Variants in TTN observed in about 807,000 individuals in gnomAD.
TTN encodes the protein connectin.
Under a neutral mutation model 3,223.0 loss-of-function variants are expected in TTN, and 1,525 were observed. The ratio of observed to expected loss-of-function variants is 0.47; its 90% CI spans 0.45 to 0.49. TTN has a LOEUF of 0.49. Ranked by LOEUF, TTN falls within the 20% of genes least tolerant of loss-of-function variation. The pLI, the probability that TTN is intolerant of heterozygous loss-of-function variation, is 0.00. For synonymous variants in TTN, 14,094 were observed against 15,161.0 expected (o/e 0.93, Z 5.17); for missense variants, 40,786 against 43,424.0 (o/e 0.94, Z 5.40).
At chr2:178,595,135 G>A (rs1350538516) in intron 295 of TTN, among the ~76,000 whole-genome samples, 1 of 152,112 alleles carries the variant, frequency 6.6e-6, no homozygotes, top group African/African-American at 2.4e-5. Flanking sequence ...GCTGGGCATG[G>A]TGGTGCATGT....
Position 178,533,805 on chromosome 2 carries a change from A to G in TTN, c.102810T>C (p.Tyr34270=), listed in dbSNP as rs539544170. 6.2e-6 allele frequency: 10 copies of G among 1,613,972 alleles called. No individual in the cohort carries two copies. In the Admixed American group the frequency reaches 6.7e-5, roughly 11 times the overall value. The part of the protein sequence containing the change: ...FTLPLYNKTA[Y]VGENVRFGVT... ...CTCCAAACCGGACATTTTCACCTAC[A>G]TAAGCTGTCTTATTATAGAGAGGCA... The change falls in exon 358 of 363, where the codon TAT becomes TAC. Residue 34270 remains tyrosine, a synonymous_variant. Transcript: ENST00000589042.
rs1483121579 is a variant in TTN, at chr2:178,591,711, C to T, written c.60108G>A (p.Val20036=). 1 of 1,613,290 alleles carries T rather than the reference C, an allele frequency of 6.2e-7. No individual in the cohort carries two copies. Residue 20036 remains valine (V), a synonymous_variant, in exon 303 of 363, where the codon GTG becomes GTA. Transcript: ENST00000589042. ...KFKTVTNLEC[V]VTGLQQGKTY... ...TCTTTCCTTGTTGTAGTCCAGTAAC[C>T]ACACACTCTAAGTTTGTCACAGTCT...
chr2:178,699,545 G>A (rs1398704046), intron 111 of TTN, among the ~76,000 whole-genome samples: 1 of 143,030 alleles, frequency 7.0e-6, no homozygotes, highest in Non-Finnish European at 1.5e-5. Context: ...CCGAGTAGCT[G>A]GGACTACAGG....
intron 29 of TTN, 29 bp from the exon 30 acceptor site, chr2:178,774,502 A>T (rs1010437303): frequency 6.2e-7 from 1 of 1,605,136 alleles, no homozygotes; most frequent in Non-Finnish European, 8.5e-7. Context: ...AGATAAATCA[A>T]TTTTTTTGGA....
rs772248060 is a variant in TTN at position 178,802,225 on chromosome 2, C to T, written c.208G>A (p.Val70Met). The T allele has an allele frequency of 2.4e-5, 39 of 1,614,032 alleles. No individual in the cohort carries two copies. The highest frequency in any genetic ancestry group is 1.1e-4 in the South Asian group (10 of 91,084). Residue 70 changes from valine to methionine, a missense_variant, in exon 3 of 363, where the codon GTG becomes ATG. By Grantham distance (21) the Val-to-Met change is conservative. Transcript: ENST00000589042. ...DGRAKLTIPA[V>M]TKANSGRYSL... ...TATCGTCCACTGTTGGCTTTAGTCA[C>T]GGCGGGGATCGTCAGTTTAGCGCGG... is the stretch of plus-strand genomic sequence containing the variant.
In TTN at chr2:178,714,430, T is replaced by A. The variant is rs1017848590; in HGVS notation, c.26344A>T (p.Asn8782Tyr). Residue 8782 changes from asparagine (N) to tyrosine (Y), a missense_variant, in exon 91 of 363, where the codon AAC becomes TAC. Coordinates refer to ENST00000589042, the MANE Select transcript of TTN (RefSeq NM_001267550.2). The stretch of plus-strand genomic sequence containing the variant: ...TTTTCTGAATAAGAAATCCATATGT[T>A]GTCACTTTCTCTAACGATTTCTCCC... Reference protein sequence around the residue: ...DKGEIVRESDNIWISYSENIA... With the variant: ...DKGEIVRESDYIWISYSENIA... The A allele has an allele frequency of 9.3e-6, 15 of 1,613,654 alleles. No individual in the cohort carries two copies. The highest frequency in any genetic ancestry group is 1.2e-5 in the Non-Finnish European group (14 of 1,179,744).
chr2:178,710,685 G>C lies in TTN; in HGVS notation c.28412C>G (p.Ala9471Gly). 6.2e-7 allele frequency: 1 copy of C among 1,613,256 alleles called. No individual in the cohort carries two copies. The highest frequency in any genetic ancestry group is 8.5e-7 in the Non-Finnish European group (1 of 1,179,806). Residue 9471 changes from alanine (A) to glycine (G), a missense_variant, in exon 98 of 363, where the codon GCT (alanine) becomes GGT (glycine). Ala to Gly is a moderately conservative substitution (Grantham distance 60). Transcript: ENST00000589042. ...AGAGTCTTTTCCCACTTCATTCACA[G>C]CATAGCAGGTATATTGTCCAGAATC... ...KGDSGQYTCY[A>G]VNEVGKDSCT...
At position 178,644,629 on chromosome 2, in the gene TTN, T is replaced by C; in HGVS notation, c.40409-13A>G. ...TTCTTTGGAATAGCTTTAAAGAATA[T>C]GATTTTACTTTTGTTATTTGTATAT... On this transcript the variant is annotated splice_polypyrimidine_tract_variant and intron_variant, in intron 217 of 362. Coordinates refer to ENST00000589042, the MANE Select transcript of TTN (RefSeq NM_001267550.2). 1 of 1,528,280 alleles carries C rather than the reference T, an allele frequency of 6.5e-7. No homozygotes were observed. Among genetic ancestry groups the C allele is most frequent in the Non-Finnish European group, 8.8e-7 (1 of 1,139,872 alleles). The allele number at this position is 1,528,280 out of a possible 1,614,324, so 94.7% of individuals were successfully genotyped here.
Position 178,573,201 on chromosome 2 carries a change from T to G in TTN, c.72931A>C (p.Thr24311Pro). The G allele has an allele frequency of 6.2e-7, 1 of 1,608,612 alleles. No individual in the cohort carries two copies. The highest frequency in any genetic ancestry group is 1.7e-4 in the Middle Eastern group (1 of 6,028). Residue 24311 changes from threonine (T) to proline (P), a missense_variant, in exon 326 of 363, where the codon ACC (threonine) becomes CCC (proline). Coordinates refer to ENST00000589042, the MANE Select transcript of TTN (RefSeq NM_001267550.2). ...NAAGISAPSP[T>P]SPFYKACDTV... is the part of the protein sequence containing the mutation. The stretch of plus-strand genomic sequence containing the variant: ...TCACAAGCCTTGTAAAATGGACTGG[T>G]AGGACTTGGTGCACTAATTCCAGCA...
chr2:178,668,563 T>C (rs2066376001), intron 159 of TTN, among the ~76,000 whole-genome samples: 1 of 151,882 alleles, frequency 6.6e-6, no homozygotes, highest in Non-Finnish European at 1.5e-5. Flanking sequence ...AAACCCTGTC[T>C]CTACTAAAAA....
rs1291637912 is a variant in TTN at position 178,740,101 on chromosome 2, G to C, written c.13132C>G (p.Leu4378Val). The change falls in exon 48 of 363, where the codon CTT (leucine) becomes GTT (valine). Residue 4378 changes from leucine to valine, a missense_variant. By Grantham distance (32) the Leu-to-Val change is conservative (BLOSUM62 1). Coordinates refer to ENST00000589042, the MANE Select transcript of TTN (RefSeq NM_001267550.2). ...KVQEVQGRDLLSKESLLSGIP... is the reference protein window; with the variant it reads ...KVQEVQGRDLVSKESLLSGIP... ...CCAGAAAGCAAGCTTTCCTTAGAAA[G>C]AAGGTCCCTTCCCTGTACCTCCTGC... is the stretch of plus-strand genomic sequence containing the variant. 3 of 1,613,668 alleles carry C rather than the reference G, an allele frequency of 1.9e-6. No individual in the cohort carries two copies. The highest frequency in any genetic ancestry group is 1.6e-4 in the Middle Eastern group (1 of 6,078).
At position 178,571,856 on chromosome 2, in the gene TTN, G is replaced by A. The variant is rs1421105301; in HGVS notation, c.74276C>T (p.Thr24759Ile). The A allele has an allele frequency of 6.2e-7, 1 of 1,613,526 alleles. No individual in the cohort carries two copies. The highest frequency in any genetic ancestry group is 8.5e-7 in the Non-Finnish European group (1 of 1,179,614). ...WHKDNVPLKQ[T>I]TRVNAESTEN... ...TGTGCTCTCTGCATTTACTCTAGTT[G>A]TCTGCTTCAGTGGTACATTATCTTT... The change falls in exon 326 of 363, where the codon ACA becomes ATA. Residue 24759 changes from threonine to isoleucine, a missense_variant. Physicochemically the swap from Thr to Ile is moderately conservative, Grantham distance 89. Coordinates refer to ENST00000589042, the MANE Select transcript of TTN (RefSeq NM_001267550.2).
Position 178,649,196 on chromosome 2 carries a change from A to T in TTN, c.40057+52T>A, listed in dbSNP as rs7606485. 50,254 of 1,312,232 alleles carry T rather than the reference A, an allele frequency of 0.038. 2,159 individuals carry two copies. The highest frequency in any genetic ancestry group is 0.16 in the Admixed American group (5,206 of 32,618). 81.3% of individuals were successfully genotyped at this position (1,312,232 alleles called of 1,614,324 possible). On this transcript the variant is annotated intron_variant, in intron 213 of 362. Coordinates refer to ENST00000589042, the MANE Select transcript of TTN (RefSeq NM_001267550.2). ...ATGTTTTTCTCTAAGACCTATTATT[A>T]ACATGCTTAAATAGCAGTTAGAGAA...
chr2:178,575,827 C>T lies in TTN; in HGVS notation c.70305G>A (p.Thr23435=), dbSNP rs397517684. The stretch of plus-strand genomic sequence containing the variant: ...GCCGCAGGTTGAGGACTGGGCCTGG[C>T]GTGTCCAAGACTCTGACGTTCACAA... The part of the protein sequence containing the change: ...SGFVNVRVLD[T]PGPVLNLRPT... Residue 23435 remains threonine, a synonymous_variant, in exon 326 of 363, where the codon ACG becomes ACA. Transcript: ENST00000589042. This position sits in a 1 kb window ranked among gnomAD's most constrained non-coding sequence, Gnocchi z 4.0. 53 of 1,613,242 alleles carry T rather than the reference C, an allele frequency of 3.3e-5. No homozygotes were observed. The highest frequency in any genetic ancestry group is 1.8e-4 in the Admixed American group (11 of 59,962).
chr2:178,562,386 C>T lies in TTN; in HGVS notation c.83746G>A (p.Val27916Ile). 3 of 1,611,556 alleles carry T rather than the reference C, an allele frequency of 1.9e-6. No individual in the cohort carries two copies. Among genetic ancestry groups the T allele is most frequent in the Non-Finnish European group, 2.5e-6 (3 of 1,179,028 alleles). The part of the protein sequence containing the change: ...GSEKWSTCTQ[V>I]KTLEATISGL... ...GATATAGTTGCTTCTAGAGTCTTAA[C>T]TTGTGTGCAGGTGCTCCACTTTTCA... Residue 27916 changes from valine (V) to isoleucine (I), a missense_variant, in exon 326 of 363, where the codon GTT (valine) becomes ATT (isoleucine). Val to Ile is a conservative substitution (Grantham distance 29). Coordinates refer to ENST00000589042, the MANE Select transcript of TTN (RefSeq NM_001267550.2).
Position 178,553,146 on chromosome 2 carries a change from A to T in TTN, c.89754T>A (p.Val29918=). ...GKYILTIENG[V]GEPKSSTVSV... is the part of the protein sequence containing the mutation. ...TCACAGTTGAAGACTTAGGTTCACC[A>T]ACTCCATTTTCTATTGTGAGAATAT... Residue 29918 remains valine, a synonymous_variant, in exon 335 of 363, where the codon GTT becomes GTA. Coordinates refer to ENST00000589042, the MANE Select transcript of TTN (RefSeq NM_001267550.2). 6.2e-7 allele frequency: 1 copy of T among 1,613,032 alleles called. No individual in the cohort carries two copies. The highest frequency in any genetic ancestry group is 8.5e-7 in the Non-Finnish European group (1 of 1,179,120).
chr2:178,805,379 C>G (rs1358988461), intron 1 of TTN, among the ~76,000 whole-genome samples: 1 of 149,682 alleles, frequency 6.7e-6, no homozygotes, highest in Non-Finnish European at 1.5e-5. Flanking sequence ...AATAAATAAA[C>G]CTCTGCATCA....
At chr2:178,598,358 A>T in intron 292 of TTN, 148 bp downstream of exon 292, 1 of 1,024,420 alleles carries the variant, frequency 9.8e-7, no homozygotes, top group Non-Finnish European at 1.4e-6. Flanking sequence ...TTCTGACATT[A>T]ACAGATGTTT....
chr2:178,538,558 T>G lies in TTN; in HGVS notation c.99271A>C (p.Ile33091Leu), dbSNP rs879450752. 8 of 1,612,238 alleles carry G rather than the reference T, an allele frequency of 5.0e-6. No individual in the cohort carries two copies. Among genetic ancestry groups the G allele is most frequent in the Non-Finnish European group, 6.8e-6 (8 of 1,179,060 alleles). The stretch of plus-strand genomic sequence containing the variant: ...TACTTACATGTGAGTTTAGTCTTTA[T>G]AGACATAGCAGTTCTGCGAGGTCTG... The part of the protein sequence containing the change: ...LSRPRRTAMS[I>L]KTKLTSGEAP... Residue 33091 changes from isoleucine (I) to leucine (L), a missense_variant, in exon 354 of 363, where the codon ATA becomes CTA. Transcript: ENST00000589042.
Sources: gnomAD v4.1 joint callset for allele counts (sites outside exome capture counted in the v4.1 genomes callset) on GRCh38, gnomAD v4.1.1 for gene constraint, Gnocchi (gnomAD v3.1) non-coding constraint, MANE v1.5 for transcripts, NCBI Gene and HGNC (gene_info 2026-07-23, HGNC 2026-07-21) for gene names.